The following SLC9A4 variants were observed in gnomAD, a reference collection of about 807,000 sequenced individuals.
SLC9A4 encodes sodium/hydrogen exchanger 4.
In SLC9A4, 63 loss-of-function variants were observed where a neutral mutation model predicts 67.4. The observed-to-expected ratio is 0.93, with a 90% CI of 0.76 to 1.15. SLC9A4 has a LOEUF of 1.15. Among genes scored for constraint, SLC9A4 ranks in the 50% most tolerant of loss-of-function variants. The pLI, the probability that SLC9A4 is intolerant of heterozygous loss-of-function variation, is 0.00. For missense variants in SLC9A4, 1,089 were observed against 987.7 expected (o/e 1.10, Z -1.38); for synonymous variants, 393 against 367.2 (o/e 1.07, Z -0.80).
At chr2:102,500,720 G>A (rs999864738) in intron 2 of SLC9A4, among the ~76,000 whole-genome samples, 8 of 152,148 alleles carry the variant, frequency 5.3e-5, no homozygotes, top group Admixed American at 2.6e-4. Context: ...CATGGTGACT[G>A]CAGCATAAAT....
intron 2 of SLC9A4, among the ~76,000 whole-genome samples, chr2:102,496,673 T>G (rs1405701040): frequency 6.6e-6 from 1 of 152,046 alleles, no homozygotes; most frequent in Non-Finnish European, 1.5e-5. Context: ...GCAAGAATGT[T>G]GTATAAATCT....
At chr2:102,485,011 G>T (rs1049956876) in intron 2 of SLC9A4, among the ~76,000 whole-genome samples, 1 of 152,102 alleles carries the variant, frequency 6.6e-6, no homozygotes, top group Non-Finnish European at 1.5e-5. Flanking sequence ...CACCTTGATG[G>T]GTGCTTCATG....
chr2:102,503,640 A>G lies in SLC9A4; in HGVS notation c.913A>G (p.Ile305Val). The G allele has an allele frequency of 1.9e-6, 3 of 1,614,218 alleles. No homozygotes were observed. Among genetic ancestry groups the G allele is most frequent in the South Asian group, 1.1e-5 (1 of 91,088 alleles). ...GAATATCTCTGCAATTGAGCCACTC[A>G]TCGTCTTCATGTTCAGCTATTTGTC... Reference protein sequence around the residue: ...TQNISAIEPLIVFMFSYLSYL... With the variant: ...TQNISAIEPLVVFMFSYLSYL... Residue 305 changes from isoleucine (I) to valine (V), a missense_variant, in exon 3 of 12, where the codon ATC becomes GTC. By Grantham distance (29) the Ile-to-Val change is conservative. Coordinates refer to ENST00000295269, the MANE Select transcript of SLC9A4 (RefSeq NM_001011552.4).
chr2:102,510,770 T>G (rs1250089251), intron 6 of SLC9A4, among the ~76,000 whole-genome samples: 1 of 152,144 alleles, frequency 6.6e-6, no homozygotes, highest in Non-Finnish European at 1.5e-5. Context: ...TATTACTTCT[T>G]TTGCAAACAT....
chr2:102,473,758 G>A lies in SLC9A4; in HGVS notation c.-2G>A, dbSNP rs747039324. The A allele has an allele frequency of 1.9e-5, 31 of 1,613,522 alleles. No individual in the cohort carries two copies. The Middle Eastern group carries it at 9.9e-4, about 51-fold the overall frequency. On this transcript the variant is annotated 5_prime_UTR_variant, in exon 1 of 12. Coordinates refer to ENST00000295269, the MANE Select transcript of SLC9A4 (RefSeq NM_001011552.4). ...GGGTGTAGGTAGGAGAAGCCCACAG[G>A]AATGGCTCTGCAGATGTTCGTGACT...
intron 2 of SLC9A4, among the ~76,000 whole-genome samples, chr2:102,484,086 T>C (rs944658097): frequency 1.3e-5 from 2 of 151,986 alleles, no homozygotes; most frequent in African/African-American, 4.8e-5. Flanking sequence ...CACTTTTGCA[T>C]TTATTAGTGT....
At chr2:102,480,136 C>T (rs1362117622) in intron 2 of SLC9A4, among the ~76,000 whole-genome samples, 1 of 152,170 alleles carries the variant, frequency 6.6e-6, no homozygotes, top group Admixed American at 6.5e-5. Flanking sequence ...CAGTACAAAA[C>T]TATATAGCAT....
rs761281045 is a variant in SLC9A4 at position 102,473,815 on chromosome 2, T to C, written c.56T>C (p.Val19Ala). The change falls in exon 1 of 12, where the codon GTG becomes GCG. Residue 19 changes from valine (V) to alanine (A), a missense_variant. By Grantham distance (64) the Val-to-Ala change is moderately conservative. Coordinates refer to ENST00000295269, the MANE Select transcript of SLC9A4 (RefSeq NM_001011552.4). Reference protein sequence around the residue: ...YSPWNCLLLLVALECSEASSD... With the variant: ...YSPWNCLLLLAALECSEASSD... ...CCTTGGAATTGTTTGCTACTGCTAG[T>C]GGCTCTTGAGTGTTCTGAAGCATCT... 4.3e-5 allele frequency: 70 copies of C among 1,614,016 alleles called. No homozygotes were observed. Among genetic ancestry groups the C allele is most frequent in the Middle Eastern group, 1.6e-4 (1 of 6,084 alleles).
At position 102,479,158 on chromosome 2, in the gene SLC9A4, C is replaced by A. The variant is rs752787129; in HGVS notation, c.576C>A (p.Asn192Lys). Reference protein sequence around the residue: ...QVKAFGLGDVNLLQNLLFGSL... With the variant: ...QVKAFGLGDVKLLQNLLFGSL... ...AGGCCTTTGGCCTGGGCGACGTCAA[C>A]CTGCTGCAGAACCTGCTGTTCGGCA... The change falls in exon 2 of 12, where the codon AAC becomes AAA. Residue 192 changes from asparagine (N) to lysine (K), a missense_variant. Physicochemically the swap from Asn to Lys is moderately conservative, Grantham distance 94 (BLOSUM62 0). Transcript: ENST00000295269. The A allele has an allele frequency of 8.7e-6, 14 of 1,614,052 alleles. No individual in the cohort carries two copies. Among genetic ancestry groups the A allele is most frequent in the Non-Finnish European group, 1.2e-5 (14 of 1,180,018 alleles).
chr2:102,523,974 T>C (rs1674604193), intron 9 of SLC9A4, among the ~76,000 whole-genome samples: 1 of 152,246 alleles, frequency 6.6e-6, no homozygotes, highest in South Asian at 2.1e-4. Context: ...CTGTACTCTA[T>C]GACCCCCGAT....
At position 102,473,619 on chromosome 2, in the gene SLC9A4, G is replaced by A. The variant is rs182776204; in HGVS notation, c.-141G>A. ...ACATACAGAGCTCAATAACACACTC[G>A]GAATCTTCTTGGGAGGACCCACAGA... On this transcript the variant is annotated 5_prime_UTR_variant, in exon 1 of 12. Transcript: ENST00000295269. 110 of 1,026,060 alleles carry A rather than the reference G, an allele frequency of 1.1e-4. No homozygotes were observed. The highest frequency in any genetic ancestry group is 1.5e-4 in the Non-Finnish European group (104 of 715,694). 63.6% of individuals were successfully genotyped at this position (1,026,060 alleles called of 1,614,324 possible).
intron 2 of SLC9A4, among the ~76,000 whole-genome samples, chr2:102,499,307 T>TGGATAGATAGATAGATAGAC (rs1553412654): frequency 6.6e-6 from 1 of 151,804 alleles, no homozygotes; most frequent in Non-Finnish European, 1.5e-5. Context: ...GATAGATAGA[T>TGGATAGATAGATAGATAGAC]AGATAGATAG....
intron 2 of SLC9A4, among the ~76,000 whole-genome samples, chr2:102,482,677 G>T (rs77901828): frequency 0.028 from 4,202 of 152,114 alleles, 174 homozygotes; most frequent in East Asian, 0.09. Flanking sequence ...ACTCTCACCC[G>T]CACTACTGAC....
chr2:102,521,452 C>A (rs13406732), intron 9 of SLC9A4, among the ~76,000 whole-genome samples: 2,765 of 152,226 alleles, frequency 0.018, 93 homozygotes, highest in African/African-American at 0.062. Context: ...TGCTGATGAC[C>A]TTGGGAGCCA....
intron 9 of SLC9A4, among the ~76,000 whole-genome samples, chr2:102,524,698 T>C (rs1435794305): frequency 1.3e-5 from 2 of 152,064 alleles, no homozygotes; most frequent in Non-Finnish European, 2.9e-5. Flanking sequence ...TTCACTGGCC[T>C]GGCATCAAAA....
chr2:102,505,229 C>T, intron 3 of SLC9A4, 25 bp from the exon 4 acceptor site: 2 of 1,605,186 alleles, frequency 1.2e-6, no homozygotes, highest in Non-Finnish European at 1.7e-6. Flanking sequence ...CATGGATTTT[C>T]TCTGAGACTC....
intron 7 of SLC9A4, 148 bp downstream of exon 7, chr2:102,512,421 G>A: frequency 3.9e-6 from 3 of 761,810 alleles, no homozygotes; most frequent in Non-Finnish European, 6.2e-6. Context: ...TGAAATTCCA[G>A]GGCATGCTAA....
At chr2:102,477,395 G>T (rs932164985) in intron 1 of SLC9A4, among the ~76,000 whole-genome samples, 1 of 152,162 alleles carries the variant, frequency 6.6e-6, no homozygotes, top group Non-Finnish European at 1.5e-5. Flanking sequence ...TCATGAAAAA[G>T]CTTCTCTGAT....
At chr2:102,519,311 A>G (rs1437534338) in intron 8 of SLC9A4, among the ~76,000 whole-genome samples, 5 of 152,232 alleles carry the variant, frequency 3.3e-5, no homozygotes, top group Non-Finnish European at 5.9e-5. Context: ...TACAATTCCA[A>G]TATAAATGTA....
Sources: allele counts gnomAD v4.1 joint callset (sites outside exome capture counted in the v4.1 genomes callset), GRCh38; gene constraint gnomAD v4.1.1; transcripts MANE v1.5; gene names NCBI Gene and HGNC (gene_info 2026-07-23, HGNC 2026-07-21).